SRGAP2B: variants seen among roughly 807,000 people sequenced by gnomAD.
SRGAP2B encodes SLIT-ROBO Rho GTPase activating protein 2B, also known as SLIT-ROBO Rho GTPase-activating protein 2B.
Under a neutral mutation model 22.2 loss-of-function variants are expected in SRGAP2B, and 9 were observed. The ratio of observed to expected loss-of-function variants is 0.41; its 90% CI spans 0.24 to 0.71. The LOEUF is 0.71. Among genes scored for constraint, SRGAP2B ranks in the 30% least tolerant of loss-of-function variants. The pLI, the probability that SRGAP2B is intolerant of heterozygous loss-of-function variation, is 0.35. For synonymous variants in SRGAP2B, 36 were observed against 87.4 expected (o/e 0.41, Z 3.28); for missense variants, 114 against 235.8 (o/e 0.48, Z 3.38).
rs587693691 is a variant in SRGAP2B at position 144,951,213 on chromosome 1, T to C, written c.423+4226A>G. 1.1e-4 allele frequency among the ~76,000 whole-genome samples: 17 copies of C among 148,844 alleles called. 1 individual carries two copies. Among genetic ancestry groups the C allele is most frequent in the Admixed American group, 1.3e-4 (2 of 14,990 alleles). ...TTTAAACAGACAGGGTCTGGCTCTG[T>C]TACTCAGGCTAGAGTACAGTGGCAT... On this transcript the variant is annotated intron_variant, in intron 4 of 9. Coordinates refer to ENST00000612199, the Ensembl canonical transcript of SRGAP2B.
intron 4 of SRGAP2B, among the ~76,000 whole-genome samples, chr1:144,941,483 G>A (rs1329840202): frequency 6.8e-6 from 1 of 147,870 alleles, no homozygotes; most frequent in African/African-American, 2.6e-5. Flanking sequence ...ATGATTTGTA[G>A]AGAACAGAGA....
At chr1:144,905,877 A>T in exon 6 of SRGAP2B, 1 of 707,514 alleles carries the variant, frequency 1.4e-6, no homozygotes, top group South Asian at 1.5e-5. Flanking sequence ...TCATCTTCTC[A>T]ATCTTCTTCA....
At chr1:144,909,661 G>A (rs1363463289) in intron 5 of SRGAP2B, among the ~76,000 whole-genome samples, 2 of 150,402 alleles carry the variant, frequency 1.3e-5, no homozygotes, top group African/African-American at 5.0e-5. Context: ...AAGACTAGAT[G>A]AGAGGTTTAT....
chr1:145,068,152 G>A (rs1184192539), intron 2 of SRGAP2B, among the ~76,000 whole-genome samples: 2 of 49,942 alleles, frequency 4.0e-5, no homozygotes, highest in East Asian at 6.5e-4. Context: ...GCAGTGAGCC[G>A]AGATCGCACC....
chr1:145,030,334 T>C (rs1297622740), intron 2 of SRGAP2B, among the ~76,000 whole-genome samples: 1 of 150,222 alleles, frequency 6.7e-6, no homozygotes, highest in African/African-American at 2.5e-5. Context: ...TTTAGTCTTA[T>C]ATCTATCTTA....
At position 145,061,623 on chromosome 1, in the gene SRGAP2B, TGTCGCC is replaced by T. The variant is rs1264219983; in HGVS notation, c.67+31206_67+31211del. Among the ~76,000 whole-genome samples the T allele has an allele frequency of 7.3e-5, 11 of 150,440 alleles. No homozygotes were observed. The East Asian group carries it at 2.1e-3, about 29-fold the overall frequency. ...CCCCCTCTGAGACAGGGTCTCACTC[TGTCGCC>T]CAGACTGGAGTGTAGTGGTGTGATC... On this transcript the variant is annotated intron_variant, in intron 2 of 9. Coordinates refer to ENST00000612199, the Ensembl canonical transcript of SRGAP2B.
At chr1:144,944,699 A>G (rs1478965421) in intron 4 of SRGAP2B, among the ~76,000 whole-genome samples, 2 of 141,452 alleles carry the variant, frequency 1.4e-5, no homozygotes, top group Non-Finnish European at 3.1e-5. Flanking sequence ...TTATTTATTT[A>G]TTTATTTATT....
At chr1:145,021,490 C>T (rs1672794231) in intron 2 of SRGAP2B, among the ~76,000 whole-genome samples, 1 of 100,468 alleles carries the variant, frequency 1.0e-5, no homozygotes, top group Non-Finnish European at 1.9e-5. Context: ...AGCAGCATGG[C>T]TCTGAAGCAT....
intron 4 of SRGAP2B, among the ~76,000 whole-genome samples, chr1:144,951,057 A>G (rs1373004518): frequency 6.6e-6 from 1 of 150,704 alleles, no homozygotes; most frequent in Non-Finnish European, 1.5e-5. Flanking sequence ...CATGTTGGCC[A>G]AGCTGGTCTT....
intron 3 of SRGAP2B, among the ~76,000 whole-genome samples, chr1:144,981,192 A>G (rs1553615085): frequency 7.1e-6 from 1 of 141,822 alleles, no homozygotes. Context: ...AATTCATTTA[A>G]TTGGCTGCGA....
chr1:145,047,203 A>C (rs1404599771), intron 2 of SRGAP2B, among the ~76,000 whole-genome samples: 1 of 65,884 alleles, frequency 1.5e-5, no homozygotes, highest in Non-Finnish European at 2.8e-5. Flanking sequence ...AAAAAAAAAA[A>C]AAGAACCAAG....
intron 4 of SRGAP2B, among the ~76,000 whole-genome samples, chr1:144,944,127 T>C (rs1553607958): frequency 6.7e-6 from 1 of 150,338 alleles, no homozygotes; most frequent in Non-Finnish European, 1.5e-5. Context: ...TTTAATAGCC[T>C]CCTAGAATAA....
At chr1:145,061,802 C>T (rs1468754054) in intron 2 of SRGAP2B, among the ~76,000 whole-genome samples, 9 of 135,248 alleles carry the variant, frequency 6.7e-5, no homozygotes, top group African/African-American at 2.6e-4. Flanking sequence ...ACCATGTTGG[C>T]CAGGCTGGCA....
At chr1:144,987,166 G>A (rs1452684318) in intron 3 of SRGAP2B, among the ~76,000 whole-genome samples, 3 of 152,084 alleles carry the variant, frequency 2.0e-5, no homozygotes, top group East Asian at 1.9e-4. Flanking sequence ...GGTGGCCATG[G>A]TCTTTCCTAC....
At chr1:144,963,766 T>G (rs1463598919) in intron 3 of SRGAP2B, among the ~76,000 whole-genome samples, 1 of 152,166 alleles carries the variant, frequency 6.6e-6, no homozygotes, top group Non-Finnish European at 1.5e-5. Context: ...ATCCACACAC[T>G]TATCAAAGCA....
chr1:144,987,809 C>T (rs1669858890), intron 3 of SRGAP2B, among the ~76,000 whole-genome samples: 1 of 150,980 alleles, frequency 6.6e-6, no homozygotes, highest in Non-Finnish European at 1.5e-5. Context: ...ACTTGGTTAT[C>T]TTTTGCAACA....
intron 2 of SRGAP2B, among the ~76,000 whole-genome samples, chr1:145,006,334 A>C (rs1316647370): frequency 6.6e-6 from 1 of 150,838 alleles, no homozygotes; most frequent in Non-Finnish European, 1.5e-5. Context: ...ATGTCCCACA[A>C]GACCAAGCAA....
chr1:144,952,926 A>T (rs1666989759), intron 4 of SRGAP2B, among the ~76,000 whole-genome samples: 1 of 149,006 alleles, frequency 6.7e-6, no homozygotes, highest in Non-Finnish European at 1.5e-5. Flanking sequence ...GGAATGATCC[A>T]TGGTGCTTGG....
At chr1:144,987,115 A>G (rs1669782343) in intron 3 of SRGAP2B, among the ~76,000 whole-genome samples, 1 of 152,126 alleles carries the variant, frequency 6.6e-6, no homozygotes, top group African/African-American at 2.4e-5. Context: ...AATCAGAAGA[A>G]ATCTCTCTTC....
Sources: allele counts gnomAD v4.1 joint callset (sites outside exome capture counted in the v4.1 genomes callset), GRCh38; gene constraint gnomAD v4.1.1; transcripts MANE v1.5; gene names NCBI Gene and HGNC (gene_info 2026-07-23, HGNC 2026-07-21).